The following MDGA2 variants were observed in gnomAD, a reference collection of about 807,000 sequenced individuals.
MDGA2 encodes the protein MAM domain-containing glycosylphosphatidylinositol anchor protein 2.
MDGA2 carries 40 observed loss-of-function variants against 117.8 expected under a neutral mutation model. The observed-to-expected ratio is 0.34, with a 90% CI of 0.26 to 0.44. The LOEUF is 0.44. MDGA2 is among the 20% of genes least tolerant of loss of function. The pLI is 1.00. For missense variants in MDGA2, 1,123 were observed against 1,250.6 expected (o/e 0.90, Z 1.54); for synonymous variants, 452 against 439.0 (o/e 1.03, Z -0.37).
intron 10 of MDGA2, among the ~76,000 whole-genome samples, chr14:46,918,594 A>C (rs1883991734): frequency 6.6e-6 from 1 of 152,136 alleles, no homozygotes; most frequent in Admixed American, 6.5e-5. Flanking sequence ...ATAACCAGAG[A>C]AACACTGTGA....
chr14:47,628,541 G>T (rs191905352), intron 1 of MDGA2, among the ~76,000 whole-genome samples: 2 of 152,186 alleles, frequency 1.3e-5, no homozygotes, highest in Admixed American at 6.5e-5. Flanking sequence ...ATACAGAACT[G>T]CCTATAGAGG....
intron 5 of MDGA2, among the ~76,000 whole-genome samples, chr14:47,100,018 C>T (rs1227423396): frequency 6.6e-6 from 1 of 151,934 alleles, no homozygotes; most frequent in Non-Finnish European, 1.5e-5. Context: ...TATGTGGTCA[C>T]TATAGAATAC....
intron 7 of MDGA2, among the ~76,000 whole-genome samples, chr14:47,051,379 T>G (rs1055026766): frequency 6.6e-6 from 1 of 151,968 alleles, no homozygotes; most frequent in Non-Finnish European, 1.5e-5. Context: ...AAATTAAGAA[T>G]AGATATTTAG....
chr14:47,097,188 T>C, intron 5 of MDGA2, 65 bp from the exon 6 acceptor site: 2 of 1,523,604 alleles, frequency 1.3e-6, no homozygotes, highest in Non-Finnish European at 1.8e-6. Context: ...TTCAACAGCA[T>C]GCATTATATT....
chr14:47,139,559 T>A (rs1326044163), intron 4 of MDGA2, among the ~76,000 whole-genome samples: 2 of 151,832 alleles, frequency 1.3e-5, no homozygotes, highest in African/African-American at 4.8e-5. Context: ...GAATCTTATT[T>A]ACGTCATGAA....
chr14:46,949,750 C>T (rs1885302696), intron 9 of MDGA2, among the ~76,000 whole-genome samples: 1 of 151,842 alleles, frequency 6.6e-6, no homozygotes, highest in South Asian at 2.1e-4. Context: ...ATTAAGTCAC[C>T]TATTAATTGA....
At chr14:46,963,868 C>T (rs535480321) in intron 8 of MDGA2, among the ~76,000 whole-genome samples, 11 of 152,106 alleles carry the variant, frequency 7.2e-5, no homozygotes, top group Non-Finnish European at 1.3e-4. Context: ...TATCATTATT[C>T]ATTAAATAAA....
chr14:47,215,234 A>G (rs1886042934), intron 3 of MDGA2, among the ~76,000 whole-genome samples: 1 of 152,126 alleles, frequency 6.6e-6, no homozygotes, highest in South Asian at 2.1e-4. Context: ...AAAGTACCTG[A>G]AATAAATTAA....
intron 9 of MDGA2, among the ~76,000 whole-genome samples, chr14:46,929,647 A>T (rs1258230743): frequency 0.013 from 205 of 15,324 alleles, 27 homozygotes; most frequent in Non-Finnish European, 0.018. Flanking sequence ...ATATATATAT[A>T]CATTTTTTTT....
At chr14:47,270,889 A>C (rs902759314) in intron 2 of MDGA2, among the ~76,000 whole-genome samples, 2 of 152,142 alleles carry the variant, frequency 1.3e-5, no homozygotes, top group Non-Finnish European at 2.9e-5. Flanking sequence ...AGGCTTGTTT[A>C]CTCATGTGAT....
chr14:47,612,525 G>A (rs1356873704), intron 1 of MDGA2, among the ~76,000 whole-genome samples: 4 of 151,980 alleles, frequency 2.6e-5, no homozygotes, highest in African/African-American at 9.7e-5. Context: ...TAGAACCTCC[G>A]TCATCTCAAT....
chr14:47,544,381 T>C (rs1037823295), intron 1 of MDGA2, among the ~76,000 whole-genome samples: 1 of 152,174 alleles, frequency 6.6e-6, no homozygotes, highest in Non-Finnish European at 1.5e-5. Context: ...GCTTCCTAAA[T>C]TGCATATTTT....
chr14:47,221,861 G>C (rs1015201961), intron 2 of MDGA2, among the ~76,000 whole-genome samples: 7 of 151,368 alleles, frequency 4.6e-5, no homozygotes, highest in African/African-American at 1.5e-4. Flanking sequence ...ATATATATTT[G>C]GGGTACGATG....
chr14:47,406,625 G>A (rs775707710), intron 1 of MDGA2, among the ~76,000 whole-genome samples: 1 of 152,086 alleles, frequency 6.6e-6, no homozygotes, highest in East Asian at 1.9e-4. Context: ...ATTTAAAGTA[G>A]TAATTGGCTT....
intron 9 of MDGA2, among the ~76,000 whole-genome samples, chr14:46,926,305 A>T (rs542496155): frequency 6.6e-6 from 1 of 152,298 alleles, no homozygotes; most frequent in Admixed American, 6.5e-5. Flanking sequence ...TCCACAAAAG[A>T]CACACTTGCA....
intron 1 of MDGA2, among the ~76,000 whole-genome samples, chr14:47,653,524 G>GTATCTT (rs1296780185): frequency 6.6e-6 from 1 of 152,162 alleles, no homozygotes; most frequent in African/African-American, 2.4e-5. Flanking sequence ...TGACACTGAT[G>GTATCTT]TATTACTGTG....
At chr14:47,253,849 C>T (rs1302893106) in intron 2 of MDGA2, among the ~76,000 whole-genome samples, 5 of 152,262 alleles carry the variant, frequency 3.3e-5, no homozygotes, top group South Asian at 2.1e-4. Context: ...TCTGCCTAGA[C>T]ATTCAGGCAT....
chr14:47,561,565 T>G (rs541724556), intron 1 of MDGA2, among the ~76,000 whole-genome samples: 1 of 152,334 alleles, frequency 6.6e-6, no homozygotes, highest in Admixed American at 6.5e-5. Flanking sequence ...TACTGATTTA[T>G]GTACATTGAT....
chr14:47,424,311 C>T (rs953418177), intron 1 of MDGA2, among the ~76,000 whole-genome samples: 1 of 151,532 alleles, frequency 6.6e-6, no homozygotes, highest in Non-Finnish European at 1.5e-5. Flanking sequence ...TGGTTCCAGC[C>T]ATTTGGGAGG....
Sources: gnomAD v4.1 joint callset for allele counts (sites outside exome capture counted in the v4.1 genomes callset) on GRCh38, gnomAD v4.1.1 for gene constraint, MANE v1.5 for transcripts, NCBI Gene and HGNC (gene_info 2026-07-23, HGNC 2026-07-21) for gene names.